SERGEF: variants seen among roughly 807,000 people sequenced by gnomAD.
SERGEF encodes the protein secretion regulating guanine nucleotide exchange factor, also known as secretion-regulating guanine nucleotide exchange factor.
In SERGEF, 51 loss-of-function variants were observed where a neutral mutation model predicts 50.0. The observed-to-expected ratio is 1.02, with a 90% CI of 0.81 to 1.29. The LOEUF is 1.29. Ranked by LOEUF, SERGEF falls within the 50% of genes most tolerant of loss-of-function variation. SERGEF has a pLI of 0.00. For missense variants in SERGEF, 521 were observed against 557.0 expected (o/e 0.94, Z 0.65); for synonymous variants, 205 against 212.4 (o/e 0.97, Z 0.30).
chr11:18,004,056 TACTGGCTAGC>T (rs59372532), intron 4 of SERGEF, among the ~76,000 whole-genome samples: 2,743 of 152,348 alleles, frequency 0.018, 76 homozygotes, highest in African/African-American at 0.062. Flanking sequence ...ATTATATTTC[TACTGGCTAGC>T]ACTGGCCTAT....
chr11:17,835,842 G>A (rs1326556957), intron 10 of SERGEF, among the ~76,000 whole-genome samples: 10 of 152,192 alleles, frequency 6.6e-5, no homozygotes, highest in Admixed American at 5.9e-4. Context: ...CTGAAATGTT[G>A]TAAAGTAGTG....
chr11:18,012,918 G>A, intron 1 of SERGEF, 33 bp downstream of exon 1: 2 of 1,523,944 alleles, frequency 1.3e-6, no homozygotes, highest in South Asian at 2.4e-5. Context: ...CGCCCCTCAG[G>A]GCCTGCACCG....
At chr11:17,950,335 T>C (rs1212531396) in intron 9 of SERGEF, among the ~76,000 whole-genome samples, 1 of 152,208 alleles carries the variant, frequency 6.6e-6, no homozygotes, top group Non-Finnish European at 1.5e-5. Context: ...CTCCTACCCA[T>C]TGAGAATAGA....
chr11:17,943,813 T>C (rs1565211458), intron 9 of SERGEF, among the ~76,000 whole-genome samples: 1 of 152,206 alleles, frequency 6.6e-6, no homozygotes, highest in African/African-American at 2.4e-5. Flanking sequence ...CAAACCTAGA[T>C]AAAAGTTGAA....
chr11:17,788,380 T>C lies in SERGEF; in HGVS notation c.1082A>G (p.His361Arg), dbSNP rs1418603712. 1.2e-6 allele frequency: 2 copies of C among 1,612,510 alleles called. No homozygotes were observed. Among genetic ancestry groups the C allele is most frequent in the African/African-American group, 2.7e-5 (2 of 74,906 alleles). ...TTCAGTGCCATCTCCGCACATGCCA[T>C]GCTCATTCCAGCCCCAAGAGTAACA... ...GVCYSWGWNE[H>R]GMCGDGTEAN... The change falls in exon 11 of 11, where the codon CAT becomes CGT. Residue 361 changes from histidine to arginine, a missense_variant. Physicochemically the swap from His to Arg is conservative, Grantham distance 29. Transcript: ENST00000265965.
intron 5 of SERGEF, chr11:17,999,494 C>T: frequency 2.2e-6 from 1 of 444,550 alleles, no homozygotes; most frequent in South Asian, 1.6e-5. Context: ...TCTTCCTCAC[C>T]TCCTCTCTCC....
chr11:17,798,966 G>A (rs1232150268), intron 10 of SERGEF, among the ~76,000 whole-genome samples: 3 of 152,196 alleles, frequency 2.0e-5, no homozygotes, highest in Non-Finnish European at 4.4e-5. Flanking sequence ...GCCTGGTGCT[G>A]CCAAAAGAAA....
At chr11:17,899,779 C>A (rs1433700523) in intron 9 of SERGEF, among the ~76,000 whole-genome samples, 1 of 151,390 alleles carries the variant, frequency 6.6e-6, no homozygotes, top group Non-Finnish European at 1.5e-5. Flanking sequence ...ATACTGAGAC[C>A]CCCCATCTCT....
rs1590231886 is a variant in SERGEF at position 17,981,743 on chromosome 11, T to G, written c.844+6854A>C. Among the ~76,000 whole-genome samples the G allele has an allele frequency of 1.3e-5, 2 of 152,176 alleles. 1 individual carries two copies. Among genetic ancestry groups the G allele is most frequent in the South Asian group, 4.1e-4 (2 of 4,832 alleles). On this transcript the variant is annotated intron_variant, in intron 8 of 10. Coordinates refer to ENST00000265965, the MANE Select transcript of SERGEF (RefSeq NM_012139.4). ...AGTTTCTACTCCACACACATATCCT[T>G]AAAGAAATCTATGGCTGCACTCTTC...
chr11:17,896,030 A>G (rs1851614847), intron 9 of SERGEF, among the ~76,000 whole-genome samples: 2 of 152,208 alleles, frequency 1.3e-5, no homozygotes, highest in African/African-American at 4.8e-5. Flanking sequence ...TTGTCATTAT[A>G]AAGTGTGTGG....
At chr11:17,821,219 G>C (rs1259342014) in intron 10 of SERGEF, among the ~76,000 whole-genome samples, 1 of 152,200 alleles carries the variant, frequency 6.6e-6, no homozygotes, top group Non-Finnish European at 1.5e-5. Flanking sequence ...GCCTCCAGAA[G>C]TGAGAGCATA....
chr11:17,985,463 C>A (rs1002390368), intron 8 of SERGEF, among the ~76,000 whole-genome samples: 2 of 152,140 alleles, frequency 1.3e-5, no homozygotes, highest in African/African-American at 4.8e-5. Flanking sequence ...GCCAGGAAAC[C>A]ATGAATCTCA....
chr11:17,969,906 G>A (rs1452836942), intron 8 of SERGEF, among the ~76,000 whole-genome samples: 2 of 152,212 alleles, frequency 1.3e-5, no homozygotes, highest in African/African-American at 4.8e-5. Context: ...TGAGCCAGAA[G>A]AAACCTTAGA....
rs146282571 is a variant in SERGEF at position 17,886,931 on chromosome 11, T to C, written c.1012-8687A>G. ...ACCTGTCTCAATGTGGATTAATGCA[T>C]AGATTGACCACAGCCTGTGAAACGG... On this transcript the variant is annotated intron_variant, in intron 9 of 10. Coordinates refer to ENST00000265965, the MANE Select transcript of SERGEF (RefSeq NM_012139.4). Among the ~76,000 whole-genome samples, 700 of 152,282 alleles carry C rather than the reference T, an allele frequency of 4.6e-3. 5 individuals are homozygous for C. The highest frequency in any genetic ancestry group is 0.016 in the African/African-American group (650 of 41,554).
rs1357443712 is a variant in SERGEF, at chr11:18,012,977, G to GGGCGGCCTCCGA, written c.22_33dup (p.Ser8_Ala11dup). The GGGCGGCCTCCGA allele has an allele frequency of 2.0e-6, 3 of 1,471,228 alleles. No individual in the cohort carries two copies. Among genetic ancestry groups the GGGCGGCCTCCGA allele is most frequent in the Admixed American group, 5.0e-5 (2 of 40,026 alleles). 91.1% of individuals were successfully genotyped at this position (1,471,228 alleles called of 1,614,324 possible). On this transcript the variant is annotated inframe_insertion, in exon 1 of 11. Coordinates refer to ENST00000265965, the MANE Select transcript of SERGEF (RefSeq NM_012139.4). ...CAGGCGAAGAGCGCGGCCGCCGCGGGGGCGGCCTCCGAGGCGCTGGGCTCG... is the reference window on the plus strand; with the variant it reads ...CAGGCGAAGAGCGCGGCCGCCGCGGGGGCGGCCTCCGAGGCGGCCTCCGAGGCGCTGGGCTCG...
intron 9 of SERGEF, among the ~76,000 whole-genome samples, chr11:17,955,734 C>A (rs1433816311): frequency 6.6e-6 from 1 of 152,144 alleles, no homozygotes; most frequent in East Asian, 1.9e-4. Flanking sequence ...CCAAGTCCCA[C>A]AACGTAAACT....
At chr11:17,826,809 A>G (rs1850204692) in intron 10 of SERGEF, among the ~76,000 whole-genome samples, 1 of 152,224 alleles carries the variant, frequency 6.6e-6, no homozygotes, top group African/African-American at 2.4e-5. Flanking sequence ...AGTGTTCTGA[A>G]GGAAAAAGTT....
At chr11:17,859,227 TAA>T (rs1850881917) in intron 10 of SERGEF, among the ~76,000 whole-genome samples, 1 of 152,172 alleles carries the variant, frequency 6.6e-6, no homozygotes, top group Non-Finnish European at 1.5e-5. Flanking sequence ...TTAAACTCTA[TAA>T]TTAATATCCA....
At position 17,833,880 on chromosome 11, in the gene SERGEF, A is replaced by C. The variant is rs1181771169; in HGVS notation, c.1048+44328T>G. 2.0e-5 allele frequency among the ~76,000 whole-genome samples: 3 copies of C among 152,046 alleles called. No homozygotes were observed. The East Asian group carries it at 5.8e-4, about 29-fold the overall frequency. ...ACCCCATGGTATCCAGGAAGTAACT[A>C]ATTTGCTTTAGATTTTACAGACTCA... On this transcript the variant is annotated intron_variant, in intron 10 of 10. Coordinates refer to ENST00000265965, the MANE Select transcript of SERGEF (RefSeq NM_012139.4).
Sources: allele counts gnomAD v4.1 joint callset (sites outside exome capture counted in the v4.1 genomes callset), GRCh38; gene constraint gnomAD v4.1.1; transcripts MANE v1.5; gene names NCBI Gene and HGNC (gene_info 2026-07-23, HGNC 2026-07-21).